The following POLR1A variants were observed in gnomAD, a reference collection of about 807,000 sequenced individuals.
POLR1A encodes RNA polymerase I subunit A.
Under a neutral mutation model 205.3 loss-of-function variants are expected in POLR1A, and 84 were observed. The ratio of observed to expected loss-of-function variants is 0.41; its 90% CI spans 0.34 to 0.49. The LOEUF (loss-of-function observed/expected upper bound fraction) is 0.49, where lower values mean the gene tolerates loss of function less well. Among genes scored for constraint, POLR1A ranks in the 20% least tolerant of loss-of-function variants. The pLI, the probability that POLR1A is intolerant of heterozygous loss-of-function variation, is 0.22. For synonymous variants in POLR1A, 799 were observed against 863.7 expected, an observed-to-expected ratio of 0.93 and a Z score of 1.31; for missense variants, 1,645 against 2,204.5, an observed-to-expected ratio of 0.75 and a Z score of 5.08.
chr2:86,071,249 T>C (rs922044906), intron 12 of POLR1A, among the ~76,000 whole-genome samples: 53 of 151,626 alleles, frequency 3.5e-4, no homozygotes, highest in East Asian at 7.8e-4. Context: ...TGTGTGTGTG[T>C]GTGTGTGTGT....
chr2:86,030,875 C>CTG (rs1672373690), intron 30 of POLR1A, among the ~76,000 whole-genome samples: 1 of 152,168 alleles, frequency 6.6e-6, no homozygotes, highest in African/African-American at 2.4e-5. Context: ...GTGGCAGGGG[C>CTG]TGTGTGTGTG....
chr2:86,031,597 G>C lies in POLR1A; in HGVS notation c.4311C>G (p.Gly1437=), dbSNP rs552902907. ...YESEEEEERE[G]EENDDEDMQE... Reference sequence around the variant, plus strand: ...GCATGTCTTCATCGTCGTTCTCCTCGCCCTCCCTCTCCTCCTCTTCCTCAC... The same window carrying C: ...GCATGTCTTCATCGTCGTTCTCCTCCCCCTCCCTCTCCTCCTCTTCCTCAC... The change falls in exon 30 of 34, where the codon GGC becomes GGG. Residue 1437 remains glycine, a synonymous_variant. Coordinates refer to ENST00000263857, the MANE Select transcript of POLR1A (RefSeq NM_015425.6). The C allele has an allele frequency of 6.2e-7, 1 of 1,612,618 alleles. No individual in the cohort carries two copies. Among genetic ancestry groups the C allele is most frequent in the Non-Finnish European group, 8.5e-7 (1 of 1,178,882 alleles).
chr2:86,075,237 G>T lies in POLR1A; in HGVS notation c.1404C>A (p.Tyr468Ter). The T allele has an allele frequency of 1.9e-6, 3 of 1,609,260 alleles. No individual in the cohort carries two copies. Among genetic ancestry groups the T allele is most frequent in the Non-Finnish European group, 2.5e-6 (3 of 1,177,280 alleles). ...CATTCCATGGGGTAACTGGCTGTGG[G>T]TAGGTCAGTTTTGTGGCAAACACCT... Reference protein sequence around the residue: ...IPMVFATKLTYPQPVTPWNVQ... With the variant: ...IPMVFATKLT The change falls in exon 12 of 34, where the codon TAC becomes TAA. Residue 468 changes from tyrosine (Y) to a stop codon, truncating the protein, a stop_gained. Transcript: ENST00000263857. LOFTEE classifies it high-confidence loss of function.
At chr2:86,097,754 G>A (rs1348501179) in intron 3 of POLR1A, among the ~76,000 whole-genome samples, 3 of 152,118 alleles carry the variant, frequency 2.0e-5, no homozygotes, top group Non-Finnish European at 4.4e-5. Flanking sequence ...GGGAAAGGAG[G>A]GGAACAGGAA....
chr2:86,054,039 C>A (rs1379120373), intron 15 of POLR1A, 101 bp downstream of exon 15: 1 of 1,183,806 alleles, frequency 8.4e-7, no homozygotes, highest in East Asian at 2.4e-5. Context: ...AGGCACAGTA[C>A]CTGCTTCTGT....
chr2:86,030,050 G>C (rs1156828337), intron 31 of POLR1A, 146 bp downstream of exon 31: 11 of 677,092 alleles, frequency 1.6e-5, no homozygotes, highest in Non-Finnish European at 2.6e-5. Flanking sequence ...CGCACACTTG[G>C]TTTGGGGAAT....
In POLR1A at chr2:86,100,177, G is replaced by C. The variant is rs554199175; in HGVS notation, c.78-5C>G. On this transcript the variant is annotated splice_polypyrimidine_tract_variant and splice_region_variant and intron_variant, in intron 1 of 33. Coordinates refer to ENST00000263857, the MANE Select transcript of POLR1A (RefSeq NM_015425.6). ...ATGGATTTAACACTTAATTTCCTAA[G>C]GGGATAAAAAAGACCAAGAGGAAAG... is the stretch of plus-strand genomic sequence containing the variant. 1 of 1,610,748 alleles carries C rather than the reference G, an allele frequency of 6.2e-7. No individual in the cohort carries two copies. Among genetic ancestry groups the C allele is most frequent in the South Asian group, 1.1e-5 (1 of 90,994 alleles).
At chr2:86,045,440 G>T in intron 20 of POLR1A, 80 bp from the exon 21 acceptor site, 1 of 1,309,390 alleles carries the variant, frequency 7.6e-7, no homozygotes, top group Non-Finnish European at 1.1e-6. Context: ...AACACCTCCA[G>T]CAGCCTTTCC....
intron 11 of POLR1A, among the ~76,000 whole-genome samples, chr2:86,077,146 C>T (rs1673301393): frequency 6.6e-6 from 1 of 152,206 alleles, no homozygotes; most frequent in Non-Finnish European, 1.5e-5. Context: ...GGAAATGAGG[C>T]TCTCCACGGA....
At chr2:86,044,411 C>G in intron 21 of POLR1A, 107 bp from the exon 22 acceptor site, 1 of 1,220,828 alleles carries the variant, frequency 8.2e-7, no homozygotes. Flanking sequence ...GGCTCCTGTT[C>G]TGCAGGCAAA....
In POLR1A at chr2:86,028,678, T is replaced by G; in HGVS notation, c.4813A>C (p.Ile1605Leu). The G allele has an allele frequency of 6.2e-7, 1 of 1,614,156 alleles. No individual in the cohort carries two copies. Among genetic ancestry groups the G allele is most frequent in the Non-Finnish European group, 8.5e-7 (1 of 1,179,994 alleles). Residue 1605 changes from isoleucine (I) to leucine (L), a missense_variant, in exon 32 of 34, where the codon ATC becomes CTC. By Grantham distance (5) the Ile-to-Leu change is conservative (BLOSUM62 2). This residue lies in a region of POLR1A where 394 missense variants were observed against 468.5 expected (regional missense o/e 0.84). Coordinates refer to ENST00000263857, the MANE Select transcript of POLR1A (RefSeq NM_015425.6). The surrounding 1 kb of genome is among the most constrained non-coding windows in gnomAD (Gnocchi z 4.5). The stretch of plus-strand genomic sequence containing the variant: ...CCATACGTGTTGGCTATGGCGTGGA[T>G]GTCGTTGGAGTAGAGGCGGCGCAGA... Reference protein sequence around the residue: ...LDLRRLYSNDIHAIANTYGIE... With the variant: ...LDLRRLYSNDLHAIANTYGIE...
intron 6 of POLR1A, among the ~76,000 whole-genome samples, chr2:86,086,722 T>C (rs190979415): frequency 6.6e-6 from 1 of 152,356 alleles, no homozygotes. Flanking sequence ...GAAAGATGAC[T>C]TTAGAAGAAT....
chr2:86,028,478 C>A lies in POLR1A; in HGVS notation c.4897+116G>T. 1.4e-6 allele frequency: 1 copy of A among 738,934 alleles called. No homozygotes were observed. The allele number at this position is 738,934 out of a possible 1,614,324, so 45.8% of individuals were successfully genotyped here. On this transcript the variant is annotated intron_variant, in intron 32 of 33. Coordinates refer to ENST00000263857, the MANE Select transcript of POLR1A (RefSeq NM_015425.6). This position sits in a 1 kb window ranked among gnomAD's most constrained non-coding sequence, Gnocchi z 4.5. ...CACTGCACGCATGCTGCAGTGCCTG[C>A]CTTAGTGCTGGACTGACTCGGTGCT...
At chr2:86,087,637 G>A (rs1558783707) in intron 6 of POLR1A, among the ~76,000 whole-genome samples, 1 of 152,170 alleles carries the variant, frequency 6.6e-6, no homozygotes, top group Non-Finnish European at 1.5e-5. Context: ...GCGCCTCCTG[G>A]GTTCAAGCGA....
intron 14 of POLR1A, among the ~76,000 whole-genome samples, chr2:86,056,072 A>C (rs78646493): frequency 0.058 from 8,887 of 152,238 alleles, 488 homozygotes; most frequent in East Asian, 0.32. Context: ...TAAATGACTT[A>C]TTCAAAGCTG....
At chr2:86,084,456 A>G (rs1673464395) in intron 6 of POLR1A, among the ~76,000 whole-genome samples, 2 of 151,796 alleles carry the variant, frequency 1.3e-5, no homozygotes, top group African/African-American at 4.8e-5. Context: ...AAAAACCCCA[A>G]AAAGCTTTTC....
Position 86,103,592 on chromosome 2 carries a change from C to A in POLR1A, c.77+2108G>T, listed in dbSNP as rs552753592. Among the ~76,000 whole-genome samples, 3 of 152,318 alleles carry A rather than the reference C, an allele frequency of 2.0e-5. No individual in the cohort carries two copies. In the South Asian group the frequency reaches 6.2e-4, roughly 32 times the overall value. On this transcript the variant is annotated intron_variant, in intron 1 of 33. Transcript: ENST00000263857. ...CTTCTGCTTTTGGATGAAATCGTAT[C>A]CACTTATGGCAGTGATGATATAATT...
intron 4 of POLR1A, among the ~76,000 whole-genome samples, chr2:86,089,084 G>A: frequency 1.3e-5 from 2 of 152,274 alleles, no homozygotes; most frequent in East Asian, 3.9e-4. Context: ...ATTATAATAT[G>A]GGAATAAGAA....
rs562630966 is a variant in POLR1A at position 86,021,947 on chromosome 2, A to G, written c.*5476T>C. 3.9e-5 allele frequency: 6 copies of G among 152,386 alleles called. No homozygotes were observed. Among genetic ancestry groups the G allele is most frequent in the African/African-American group, 1.2e-4 (5 of 41,580 alleles). The allele number at this position is 152,386 out of a possible 1,614,324, so 9.4% of individuals were successfully genotyped here. A position where few individuals can be genotyped will look rare whatever the true frequency, so the allele number is the denominator to read the frequency against. ...CACATGAAGCCTGCTGGGTACCTCA[A>G]CCCAGGCAGTTACCCAGGTACCCTG... On this transcript the variant is annotated 3_prime_UTR_variant, in exon 34 of 34. Coordinates refer to ENST00000263857, the MANE Select transcript of POLR1A (RefSeq NM_015425.6).
Sources: gnomAD v4.1 joint callset for allele counts (sites outside exome capture counted in the v4.1 genomes callset) on GRCh38, gnomAD v4.1.1 for gene constraint, gnomAD v4.1.1 regional missense constraint, Gnocchi (gnomAD v3.1) non-coding constraint, MANE v1.5 for transcripts, NCBI Gene and HGNC (gene_info 2026-07-23, HGNC 2026-07-21) for gene names.